DNASE1: variants seen among roughly 807,000 people sequenced by gnomAD.
DNASE1 encodes deoxyribonuclease 1.
Under a neutral mutation model 33.9 loss-of-function variants are expected in DNASE1, and 40 were observed. That is an observed-to-expected ratio of 1.18 (90% CI 0.92 to 1.54). The LOEUF is 1.54. DNASE1 is among the 40% of genes most tolerant of loss of function. The pLI is 0.00. For missense variants in DNASE1, 518 were observed against 372.6 expected (o/e 1.39, Z -3.21); for synonymous variants, 216 against 160.0 (o/e 1.35, Z -2.64).
At chr16:3,625,540 T>C (rs1304935867) in intron 1 of DNASE1, among the ~76,000 whole-genome samples, 4 of 152,018 alleles carry the variant, frequency 2.6e-5, no homozygotes, top group Admixed American at 6.6e-5. Context: ...ATGGGATCGC[T>C]TGAGCCCAGG....
chr16:3,616,036 A>G (rs113611807), intron 1 of DNASE1, among the ~76,000 whole-genome samples: 13 of 152,316 alleles, frequency 8.5e-5, no homozygotes, highest in African/African-American at 2.9e-4. Flanking sequence ...TTACTGTTGT[A>G]TAGTCACATT....
intron 1 of DNASE1, among the ~76,000 whole-genome samples, chr16:3,649,569 A>G (rs2042271607): frequency 6.6e-6 from 1 of 152,266 alleles, no homozygotes; most frequent in East Asian, 1.9e-4. Context: ...AAAAGAAGTT[A>G]TATTCAGTAA....
exon 10 of DNASE1, chr16:3,664,239 G>A: frequency 6.6e-7 from 1 of 1,508,426 alleles, no homozygotes; most frequent in Non-Finnish European, 8.9e-7. Context: ...CCAGGTTGCA[G>A]CCCCCGGAGC....
At chr16:3,624,844 A>T (rs1179002789) in intron 1 of DNASE1, among the ~76,000 whole-genome samples, 2 of 152,132 alleles carry the variant, frequency 1.3e-5, no homozygotes, top group Admixed American at 1.3e-4. Flanking sequence ...TTCTTCCAGC[A>T]CACCTGGCTA....
rs1489154855 is a variant in DNASE1 at position 3,654,749 on chromosome 16, C to G, written c.-297C>G. On this transcript the variant is annotated 5_prime_UTR_variant, in exon 1 of 9. Transcript: ENST00000246949. ...CAGAAAGAAACACGTGCTAGCAACC[C>G]ACCTATGCGGAAAGCCACACAGAGC... 1 of 399,680 alleles carries G rather than the reference C, an allele frequency of 2.5e-6. No individual in the cohort carries two copies. Among genetic ancestry groups the G allele is most frequent in the African/African-American group, 2.1e-5 (1 of 48,632 alleles). The allele number at this position is 399,680 out of a possible 1,614,324, so 24.8% of individuals were successfully genotyped here. A position where few individuals can be genotyped will look rare whatever the true frequency, so the allele number is the denominator to read the frequency against.
intron 1 of DNASE1, among the ~76,000 whole-genome samples, chr16:3,631,025 T>C (rs898580467): frequency 6.6e-6 from 1 of 152,134 alleles, no homozygotes; most frequent in East Asian, 1.9e-4. Context: ...TATAGGATTT[T>C]ATTTATTTAT....
intron 1 of DNASE1, among the ~76,000 whole-genome samples, chr16:3,619,384 CAG>C (rs1223812156): frequency 1.3e-5 from 2 of 148,456 alleles, no homozygotes; most frequent in African/African-American, 2.5e-5. Context: ...TTTTTGGAGA[CAG>C]AGTCTCGCTC....
At chr16:3,627,065 A>C (rs2041535787) in intron 1 of DNASE1, among the ~76,000 whole-genome samples, 1 of 150,304 alleles carries the variant, frequency 6.7e-6, no homozygotes, top group Admixed American at 6.7e-5. Flanking sequence ...TGGTAGAGAC[A>C]GGGTCTCCCT....
At chr16:3,662,777 G>A (rs1261164353), downstream of DNASE1, 5 of 1,064,902 alleles carry the variant, frequency 4.7e-6, no homozygotes, top group Non-Finnish European at 7.2e-6. Flanking sequence ...GGCTTCTGCT[G>A]CTGCTGGAAG....
intron 1 of DNASE1, among the ~76,000 whole-genome samples, chr16:3,635,607 A>G (rs2041846236): frequency 1.3e-5 from 2 of 151,844 alleles, no homozygotes; most frequent in Admixed American, 1.3e-4. Flanking sequence ...TTTGCAAGGC[A>G]GGTCTACTGA....
chr16:3,645,740 T>G (rs1438621772), intron 1 of DNASE1, among the ~76,000 whole-genome samples: 1 of 152,138 alleles, frequency 6.6e-6, no homozygotes, highest in Non-Finnish European at 1.5e-5. Flanking sequence ...CTGTTGTAAG[T>G]CTTTGTGATT....
At chr16:3,612,615 G>T (rs1490781513) in intron 1 of DNASE1, among the ~76,000 whole-genome samples, 6 of 135,250 alleles carry the variant, frequency 4.4e-5, no homozygotes, top group Non-Finnish European at 3.1e-5. Flanking sequence ...TCACTATGTT[G>T]CCCAGGCTGG....
At position 3,656,642 on chromosome 16, in the gene DNASE1, G is replaced by A; in HGVS notation, c.325G>A (p.Asp109Asn). 1 of 1,610,760 alleles carries A rather than the reference G, an allele frequency of 6.2e-7. No individual in the cohort carries two copies. The highest frequency in any genetic ancestry group is 8.5e-7 in the Non-Finnish European group (1 of 1,178,518). ...TCCTGCCCGGCCTTCCCGCAGGCCT[G>A]ACCAGGTGTCTGCGGTGGACAGCTA... Reference protein sequence around the residue: ...KERYLFVYRPDQVSAVDSYYY... With the variant: ...KERYLFVYRPNQVSAVDSYYY... Residue 109 changes from aspartate (D) to asparagine (N), a missense_variant, in exon 5 of 9, where the codon GAC becomes AAC. By Grantham distance (23) the Asp-to-Asn change is conservative. Transcript: ENST00000246949.
chr16:3,658,540 G>C (rs986333909), downstream of DNASE1: 4 of 573,556 alleles, frequency 7.0e-6, no homozygotes, highest in Admixed American at 1.2e-4. Context: ...AATTAGCCAG[G>C]CGCATGCCTG....
chr16:3,656,903 C>A (rs1192406421), intron 5 of DNASE1, 96 bp from the exon 6 acceptor site: 1 of 1,552,234 alleles, frequency 6.4e-7, no homozygotes, highest in Non-Finnish European at 8.7e-7. Flanking sequence ...AATATCCACC[C>A]CCCGGGGGGA....
chr16:3,628,582 G>A (rs2041594036), intron 1 of DNASE1, among the ~76,000 whole-genome samples: 1 of 151,070 alleles, frequency 6.6e-6, no homozygotes, highest in Non-Finnish European at 1.5e-5. Flanking sequence ...TTTTGAGATG[G>A]AATCTCGCTG....
downstream of DNASE1, chr16:3,662,800 G>A (rs1215262549): frequency 1.5e-6 from 2 of 1,360,316 alleles, no homozygotes; most frequent in Non-Finnish European, 2.1e-6. Flanking sequence ...CACCCAACGG[G>A]CCAGGTACTG....
At chr16:3,653,830 A>AC (rs2042429565), upstream of DNASE1, 3 of 146,300 alleles carry the variant, frequency 2.1e-5, no homozygotes, top group African/African-American at 7.8e-5. Context: ...AAAAAAAAAA[A>AC]AAAAAAAAAA....
intron 1 of DNASE1, among the ~76,000 whole-genome samples, chr16:3,613,615 A>G (rs527311460): frequency 6.6e-6 from 1 of 152,362 alleles, no homozygotes; most frequent in South Asian, 2.1e-4. Context: ...CCAACTGGAT[A>G]AAGAAGACAG....
Sources: allele counts gnomAD v4.1 joint callset (sites outside exome capture counted in the v4.1 genomes callset), GRCh38; gene constraint gnomAD v4.1.1; transcripts MANE v1.5; gene names NCBI Gene and HGNC (gene_info 2026-07-23, HGNC 2026-07-21).